The following PCDHA9 variants were observed in gnomAD, a reference collection of about 807,000 sequenced individuals.
PCDHA9 encodes protocadherin alpha 9.
PCDHA9 carries 62 observed loss-of-function variants against 62.0 expected under a neutral mutation model. The observed-to-expected ratio is 1.00, with a 90% confidence interval of 0.81 to 1.23. The LOEUF is 1.23. PCDHA9 is among the 50% of genes most tolerant of loss of function. The pLI, the probability that PCDHA9 is intolerant of heterozygous loss-of-function variation, is 0.00. For synonymous variants in PCDHA9, 557 were observed against 567.6 expected, an observed-to-expected ratio of 0.98 and a Z score of 0.27; for missense variants, 1,205 against 1,249.8, an observed-to-expected ratio of 0.96 and a Z score of 0.54.
intron 1 of PCDHA9, among the ~76,000 whole-genome samples, chr5:140,946,570 C>G (rs1488950892): frequency 7.2e-6 from 1 of 138,492 alleles, no homozygotes; most frequent in Non-Finnish European, 1.5e-5. Context: ...ATAGAATCAA[C>G]TTAGGTGTTC....
intron 1 of PCDHA9, chr5:140,870,988 G>T: frequency 6.2e-7 from 1 of 1,613,492 alleles, no homozygotes; most frequent in Non-Finnish European, 8.5e-7. Flanking sequence ...GTACACGGGC[G>T]AGATAAGCAC....
At chr5:140,997,702 T>C (rs548432387) in intron 3 of PCDHA9, among the ~76,000 whole-genome samples, 1 of 150,740 alleles carries the variant, frequency 6.6e-6, no homozygotes, top group Non-Finnish European at 1.5e-5. Context: ...GTGTGTATGT[T>C]AACAAACACC....
chr5:140,863,494 C>T (rs1203332871), intron 1 of PCDHA9: 2 of 442,624 alleles, frequency 4.5e-6, no homozygotes, highest in East Asian at 6.0e-5. Context: ...GTCAACATTA[C>T]GGCTTTTAGT....
chr5:140,943,558 A>T (rs1328715238), intron 1 of PCDHA9, among the ~76,000 whole-genome samples: 1 of 152,194 alleles, frequency 6.6e-6, no homozygotes, highest in Non-Finnish European at 1.5e-5. Flanking sequence ...GTAGACAATA[A>T]TCATTTTAAT....
chr5:141,004,982 A>G (rs1445212778), intron 3 of PCDHA9, among the ~76,000 whole-genome samples: 2 of 152,234 alleles, frequency 1.3e-5, no homozygotes, highest in African/African-American at 2.4e-5. Flanking sequence ...TTGCAGTATC[A>G]TTATCTTGGT....
intron 1 of PCDHA9, chr5:140,862,563 C>T: frequency 2.1e-6 from 1 of 476,978 alleles, no homozygotes; most frequent in Non-Finnish European, 4.3e-6. Context: ...CAGTGAACCA[C>T]AATGCCCTGG....
rs1019135464 is a variant in PCDHA9, at chr5:140,897,033, A to G, written c.2394+46144A>G. On this transcript the variant is annotated intron_variant, in intron 1 of 3. Transcript: ENST00000532602. ...TATACAACTAAATTATTTAGACCAT[A>G]GTCACCCTATTCTGCTGTCAAATAC... Among the ~76,000 whole-genome samples, 4 of 152,124 alleles carry G rather than the reference A, an allele frequency of 2.6e-5. No homozygotes were observed. The East Asian group carries it at 7.7e-4, about 29-fold the overall frequency.
Position 140,894,245 on chromosome 5 carries a change from C to T in PCDHA9, c.2394+43356C>T, listed in dbSNP as rs1273703512. ...AGATGTTGAATGACAATGTAATTTT[C>T]TTTTCTTTACAAGTGGTAGCTTATT... On this transcript the variant is annotated intron_variant, in intron 1 of 3. Coordinates refer to ENST00000532602, the MANE Select transcript of PCDHA9 (RefSeq NM_031857.2). 4.0e-5 allele frequency among the ~76,000 whole-genome samples: 6 copies of T among 151,858 alleles called. No homozygotes were observed. In the East Asian group the frequency reaches 1.2e-3, roughly 29 times the overall value.
intron 1 of PCDHA9, chr5:140,858,289 T>C: frequency 6.3e-7 from 1 of 1,597,184 alleles, no homozygotes; most frequent in Non-Finnish European, 8.6e-7. Flanking sequence ...GGAGCTGGTC[T>C]TACTCGCAGC....
At chr5:140,993,532 AG>A (rs2097571069) in intron 3 of PCDHA9, among the ~76,000 whole-genome samples, 7 of 152,102 alleles carry the variant, frequency 4.6e-5, no homozygotes, top group African/African-American at 1.7e-4. Context: ...ACAGAGAGAG[AG>A]AGAGATAGAG....
rs148688132 is a variant in PCDHA9, at chr5:140,902,203, CTT to C, written c.2394+51331_2394+51332del. Among the ~76,000 whole-genome samples the C allele has an allele frequency of 5.2e-3, 642 of 124,424 alleles. 3 individuals are homozygous for C. The highest frequency in any genetic ancestry group is 0.019 in the African/African-American group (601 of 32,314). 81.6% of individuals were successfully genotyped at this position (124,424 alleles called of 152,430 possible). The stretch of plus-strand genomic sequence containing the variant: ...TTATGTCTTCTCTCTCTCTCTCTTT[CTT>C]TTTTTTTTTTTTTTTTGAGATGAGG... On this transcript the variant is annotated intron_variant, in intron 1 of 3. Coordinates refer to ENST00000532602, the MANE Select transcript of PCDHA9 (RefSeq NM_031857.2).
chr5:140,955,440 G>A (rs1332391978), intron 1 of PCDHA9, among the ~76,000 whole-genome samples: 3 of 152,022 alleles, frequency 2.0e-5, no homozygotes, highest in Admixed American at 2.0e-4. Context: ...TAGGTCTGAT[G>A]GTTTTATAAG....
intron 1 of PCDHA9, chr5:140,967,975 T>C (rs781819149): frequency 3.2e-5 from 52 of 1,614,016 alleles, no homozygotes; most frequent in African/African-American, 5.3e-5. Context: ...TGAGCCTGGG[T>C]CTGGAGGCCA....
chr5:140,950,278 G>A (rs2094467824), intron 1 of PCDHA9, among the ~76,000 whole-genome samples: 1 of 151,868 alleles, frequency 6.6e-6, no homozygotes, highest in African/African-American at 2.4e-5. Context: ...ATGTCTTTTT[G>A]CTTCAACCTG....
rs534304787 is a variant in PCDHA9, at chr5:140,885,393, TA to T, written c.2394+34506del. Among the ~76,000 whole-genome samples the T allele has an allele frequency of 3.1e-3, 468 of 152,312 alleles. 3 individuals carry two copies. Among genetic ancestry groups the T allele is most frequent in the Middle Eastern group, 0.014 (4 of 294 alleles). The stretch of plus-strand genomic sequence containing the variant: ...TACCTTTTGGCAGTCCCTGCAAATC[TA>T]ATGGTTTTAATAGCTGTGTAGTATT... On this transcript the variant is annotated intron_variant, in intron 1 of 3. Transcript: ENST00000532602.
rs2150435821 is a variant in PCDHA9 at position 140,849,360 on chromosome 5, A to G, written c.865A>G (p.Ile289Val). ...YSFSSDVSPD[I>V]KSKFHMDPLS... is the part of the protein sequence containing the mutation. ...CTTCTCCAGTGATGTTTCTCCAGAT[A>G]TAAAATCCAAGTTCCACATGGACCC... The change falls in exon 1 of 4, where the codon ATA becomes GTA. Residue 289 changes from isoleucine to valine, a missense_variant. Around this residue, in one of 3 missense-constraint regions of PCDHA9, gnomAD observed 110 missense variants for 227.2 expected, o/e 0.48. Transcript: ENST00000532602. The G allele has an allele frequency of 6.8e-6, 10 of 1,467,526 alleles. No homozygotes were observed. In the African/African-American group the frequency reaches 1.1e-4, roughly 16 times the overall value. The allele number at this position is 1,467,526 out of a possible 1,614,324, so 90.9% of individuals were successfully genotyped here. A position where few individuals can be genotyped will look rare whatever the true frequency, so the allele number is the denominator to read the frequency against.
chr5:140,892,310 A>T (rs1346325979), intron 1 of PCDHA9, among the ~76,000 whole-genome samples: 1 of 152,230 alleles, frequency 6.6e-6, no homozygotes, highest in African/African-American at 2.4e-5. Flanking sequence ...TTTGGGGCTT[A>T]TAACATTTTC....
At chr5:140,855,743 G>A (rs2043601940) in intron 1 of PCDHA9, 1 of 316,702 alleles carries the variant, frequency 3.2e-6, no homozygotes, top group African/African-American at 2.1e-5. Flanking sequence ...GAGACGTAAT[G>A]TGAGGCTTTG....
intron 1 of PCDHA9, among the ~76,000 whole-genome samples, chr5:140,952,174 A>T (rs1376987356): frequency 6.6e-6 from 1 of 152,096 alleles, no homozygotes; most frequent in Non-Finnish European, 1.5e-5. Flanking sequence ...CAGTTCCTGC[A>T]GCTGCTCTCA....
Sources: allele counts gnomAD v4.1 joint callset (sites outside exome capture counted in the v4.1 genomes callset), GRCh38; gene constraint gnomAD v4.1.1; regional missense constraint gnomAD v4.1.1; transcripts MANE v1.5; gene names NCBI Gene and HGNC (gene_info 2026-07-23, HGNC 2026-07-21).